TCF7L1: variants seen among roughly 807,000 people sequenced by gnomAD.
The protein encoded by TCF7L1 is transcription factor 7-like 1.
Under a neutral mutation model 63.7 loss-of-function variants are expected in TCF7L1, and 18 were observed. That is an observed-to-expected ratio of 0.28 (90% confidence interval 0.20 to 0.42). TCF7L1 has a LOEUF of 0.42. Among genes scored for constraint, TCF7L1 ranks in the 10% least tolerant of loss-of-function variants. The probability of loss-of-function intolerance (pLI) is 1.00; values close to 1 mark genes in which losing one functional copy is unlikely to be tolerated. For missense variants in TCF7L1, 654 were observed against 779.3 expected, an observed-to-expected ratio of 0.84 and a Z score of 1.91; for synonymous variants, 355 against 340.9, an observed-to-expected ratio of 1.04 and a Z score of -0.46.
intron 3 of TCF7L1, among the ~76,000 whole-genome samples, chr2:85,197,355 G>A (rs1679182519): frequency 6.6e-6 from 1 of 152,132 alleles, no homozygotes; most frequent in Non-Finnish European, 1.5e-5. Context: ...AGGTTACAGT[G>A]CACCACTGCA....
chr2:85,166,519 T>G (rs1285261505), intron 3 of TCF7L1, among the ~76,000 whole-genome samples: 1 of 152,160 alleles, frequency 6.6e-6, no homozygotes, highest in African/African-American at 2.4e-5. Context: ...TGGTAAGGGT[T>G]GTAGGGTAAG....
intron 3 of TCF7L1, among the ~76,000 whole-genome samples, chr2:85,234,792 T>G (rs1680159934): frequency 6.6e-6 from 1 of 152,028 alleles, no homozygotes; most frequent in Non-Finnish European, 1.5e-5. Flanking sequence ...CATGGACACA[T>G]GGGAAGAAAG....
chr2:85,213,307 C>A (rs1679617748), intron 3 of TCF7L1, among the ~76,000 whole-genome samples: 1 of 152,120 alleles, frequency 6.6e-6, no homozygotes, highest in Non-Finnish European at 1.5e-5. Flanking sequence ...TCTAGTGGTT[C>A]TTATTATAGG....
intron 7 of TCF7L1, among the ~76,000 whole-genome samples, chr2:85,304,684 C>A (rs12714139): frequency 0.79 from 120,090 of 152,166 alleles, 48,356 homozygotes; most frequent in East Asian, 0.94. Context: ...CACAACTTTC[C>A]CCTTAGAATA....
At chr2:85,245,077 G>A (rs149179921) in intron 3 of TCF7L1, among the ~76,000 whole-genome samples, 9 of 152,286 alleles carry the variant, frequency 5.9e-5, no homozygotes, top group Non-Finnish European at 8.8e-5. Flanking sequence ...CACTCTGCCC[G>A]CTAGCAGGAC....
chr2:85,139,589 G>A (rs1307663906), intron 3 of TCF7L1, among the ~76,000 whole-genome samples: 1 of 152,188 alleles, frequency 6.6e-6, no homozygotes. Context: ...GTTTAAACTG[G>A]TCCTTAAAAC....
intron 3 of TCF7L1, among the ~76,000 whole-genome samples, chr2:85,248,506 G>A (rs1386082918): frequency 6.6e-6 from 1 of 152,112 alleles, no homozygotes; most frequent in African/African-American, 2.4e-5. Context: ...CTGTTTCCAT[G>A]GGCCCTGGGT....
At chr2:85,247,752 T>C (rs539754979) in intron 3 of TCF7L1, among the ~76,000 whole-genome samples, 1 of 152,198 alleles carries the variant, frequency 6.6e-6, no homozygotes, top group South Asian at 2.1e-4. Context: ...TTTGTGAACA[T>C]GCAAATTAAC....
intron 3 of TCF7L1, among the ~76,000 whole-genome samples, chr2:85,146,497 C>CTT (rs554058692): frequency 7.5e-4 from 78 of 103,568 alleles, no homozygotes; most frequent in East Asian, 2.8e-3. Flanking sequence ...TTCTTTCTTT[C>CTT]TTTTTTTTTT....
At chr2:85,163,037 C>T (rs1363393589) in intron 3 of TCF7L1, among the ~76,000 whole-genome samples, 1 of 152,106 alleles carries the variant, frequency 6.6e-6, no homozygotes, top group African/African-American at 2.4e-5. Context: ...ACAAAATGCA[C>T]TCTCGCCGGA....
chr2:85,294,236 C>T (rs1412701569), intron 4 of TCF7L1, among the ~76,000 whole-genome samples: 1 of 151,752 alleles, frequency 6.6e-6, no homozygotes, highest in Admixed American at 6.6e-5. Context: ...CGGGGTTTCA[C>T]CATGTTAGCC....
chr2:85,148,282 A>G (rs1290569710), intron 3 of TCF7L1, among the ~76,000 whole-genome samples: 1 of 152,160 alleles, frequency 6.6e-6, no homozygotes, highest in African/African-American at 2.4e-5. Context: ...TGGACCTTGC[A>G]TGGAAAGAGA....
At chr2:85,269,099 G>A (rs1410085450) in intron 3 of TCF7L1, among the ~76,000 whole-genome samples, 2 of 152,144 alleles carry the variant, frequency 1.3e-5, no homozygotes, top group Admixed American at 6.5e-5. Flanking sequence ...ATAGTGGTGT[G>A]TCCTGGGATG....
chr2:85,265,766 G>GTTTT (rs75640097), intron 3 of TCF7L1, among the ~76,000 whole-genome samples: 1 of 143,748 alleles, frequency 7.0e-6, no homozygotes, highest in African/African-American at 2.5e-5. Flanking sequence ...ACTTTACTGG[G>GTTTT]TTTTTTTTTT....
chr2:85,189,749 C>G (rs891039672), intron 3 of TCF7L1, among the ~76,000 whole-genome samples: 2 of 152,216 alleles, frequency 1.3e-5, no homozygotes, highest in African/African-American at 2.4e-5. Flanking sequence ...GCTGAAAGGG[C>G]CCATTCAGGG....
intron 3 of TCF7L1, among the ~76,000 whole-genome samples, chr2:85,214,207 C>T (rs951307456): frequency 3.3e-5 from 5 of 152,190 alleles, no homozygotes; most frequent in African/African-American, 4.8e-5. Context: ...TGGCTGTCAG[C>T]GTGTCAAGGA....
intron 3 of TCF7L1, among the ~76,000 whole-genome samples, chr2:85,227,653 C>T (rs1467323266): frequency 1.3e-5 from 2 of 152,050 alleles, no homozygotes; most frequent in Non-Finnish European, 2.9e-5. Flanking sequence ...CCAGTGATGC[C>T]TGCCACTTAT....
intron 3 of TCF7L1, among the ~76,000 whole-genome samples, chr2:85,204,296 C>CG (rs1679342890): frequency 1.2e-5 from 1 of 85,162 alleles, no homozygotes; most frequent in South Asian, 6.0e-4. Flanking sequence ...TTGCTTCCCC[C>CG]CCCCCCCCCA....
At chr2:85,264,472 G>A (rs1252584901) in intron 3 of TCF7L1, among the ~76,000 whole-genome samples, 1 of 152,150 alleles carries the variant, frequency 6.6e-6, no homozygotes, top group East Asian at 1.9e-4. Context: ...GGAACTGGGG[G>A]CTCAGGAAGG....
Sources: gnomAD v4.1 joint callset for allele counts (sites outside exome capture counted in the v4.1 genomes callset) on GRCh38, gnomAD v4.1.1 for gene constraint, MANE v1.5 for transcripts, NCBI Gene and HGNC (gene_info 2026-07-23, HGNC 2026-07-21) for gene names.